Variants in WDR17 observed in about 807,000 individuals in gnomAD.
WDR17 encodes WD repeat domain 17, also known as WD repeat-containing protein 17.
In WDR17, 143 loss-of-function variants were observed where a neutral mutation model predicts 161.7. The observed-to-expected ratio is 0.88, with a 90% CI of 0.77 to 1.02. The LOEUF (loss-of-function observed/expected upper bound fraction) is 1.02. Ranked by LOEUF, WDR17 falls within the 50% of genes least tolerant of loss-of-function variation. The probability of loss-of-function intolerance (pLI) is 0.00; values close to 1 mark genes in which losing one functional copy is unlikely to be tolerated. For synonymous variants in WDR17, 517 were observed against 515.6 expected, an observed-to-expected ratio of 1.00 and a Z score of -0.04; for missense variants, 1,469 against 1,520.9, an observed-to-expected ratio of 0.97 and a Z score of 0.57.
At chr4:176,085,021 A>G (rs1664084319) in intron 1 of WDR17, among the ~76,000 whole-genome samples, 1 of 151,758 alleles carries the variant, frequency 6.6e-6, no homozygotes, top group Non-Finnish European at 1.5e-5. Context: ...TGGATAGTAT[A>G]ACATTAGGCT....
chr4:176,081,027 G>C (rs1734684002), intron 1 of WDR17, among the ~76,000 whole-genome samples: 2 of 152,068 alleles, frequency 1.3e-5, no homozygotes, highest in Non-Finnish European at 2.9e-5. Flanking sequence ...ATGGGGCTAA[G>C]TTATTCAGTC....
chr4:176,085,626 A>G (rs746736335), intron 1 of WDR17, among the ~76,000 whole-genome samples: 3 of 151,992 alleles, frequency 2.0e-5, no homozygotes, highest in Non-Finnish European at 4.4e-5. Context: ...TTATGTCAGT[A>G]AGTTCTATAG....
At chr4:176,177,719 T>A in intron 28 of WDR17, 65 bp downstream of exon 28, 4 of 1,500,436 alleles carry the variant, frequency 2.7e-6, no homozygotes, top group Non-Finnish European at 3.6e-6. Context: ...TTTTGAAATA[T>A]CTTAAAATAA....
At chr4:176,103,579 G>A (rs1175211490) in intron 1 of WDR17, among the ~76,000 whole-genome samples, 1 of 151,844 alleles carries the variant, frequency 6.6e-6, no homozygotes, top group Non-Finnish European at 1.5e-5. Context: ...GAACAAAATA[G>A]AAATAATAGA....
At chr4:176,082,179 A>T in intron 1 of WDR17, among the ~76,000 whole-genome samples, 1 of 150,964 alleles carries the variant, frequency 6.6e-6, no homozygotes, top group East Asian at 1.9e-4. Flanking sequence ...ATATATATGG[A>T]TTAATTTTTT....
At chr4:176,138,168 A>G (rs1271193795) in intron 9 of WDR17, among the ~76,000 whole-genome samples, 3 of 151,672 alleles carry the variant, frequency 2.0e-5, no homozygotes, top group Non-Finnish European at 4.4e-5. Flanking sequence ...ATATTTGAAA[A>G]ATACATATGA....
At chr4:176,097,448 C>A (rs1225903922) in intron 1 of WDR17, among the ~76,000 whole-genome samples, 1 of 151,746 alleles carries the variant, frequency 6.6e-6, no homozygotes, top group Non-Finnish European at 1.5e-5. Context: ...AGTATTACTT[C>A]TTTTTAATTA....
chr4:176,134,910 A>G (rs1253791675), intron 7 of WDR17, among the ~76,000 whole-genome samples, 198 bp from the exon 8 acceptor site: 1 of 151,690 alleles, frequency 6.6e-6, no homozygotes, highest in Admixed American at 6.6e-5. Context: ...CTAGGTCTGT[A>G]CAAAATAATA....
chr4:176,107,676 C>T (rs1205454554), intron 1 of WDR17, among the ~76,000 whole-genome samples: 3 of 151,774 alleles, frequency 2.0e-5, no homozygotes, highest in Non-Finnish European at 4.4e-5. Context: ...GTCTTTTGCC[C>T]ATTTTTGAAT....
intron 1 of WDR17, among the ~76,000 whole-genome samples, chr4:176,095,193 G>A (rs112440666): frequency 2.6e-5 from 4 of 152,208 alleles, no homozygotes; most frequent in Non-Finnish European, 4.4e-5. Flanking sequence ...ATGAAGAGAG[G>A]ACAAATCCAG....
chr4:176,082,324 G>A (rs991541215), intron 1 of WDR17, among the ~76,000 whole-genome samples: 7 of 151,862 alleles, frequency 4.6e-5, no homozygotes, highest in Admixed American at 6.6e-5. Context: ...ATGTATACTC[G>A]GGGTGATGAA....
chr4:176,083,075 A>T (rs531434565), intron 1 of WDR17, among the ~76,000 whole-genome samples: 3 of 152,228 alleles, frequency 2.0e-5, no homozygotes, highest in African/African-American at 7.2e-5. Context: ...ATTAACTTAG[A>T]AGTCTATTTT....
At chr4:176,126,327 T>C (rs1026162475) in intron 5 of WDR17, among the ~76,000 whole-genome samples, 1 of 150,838 alleles carries the variant, frequency 6.6e-6, no homozygotes, top group Admixed American at 6.6e-5. Context: ...CTCTCTACTT[T>C]TACCATTTGA....
intron 26 of WDR17, among the ~76,000 whole-genome samples, chr4:176,175,286 G>T (rs1579272088): frequency 2.6e-5 from 4 of 152,306 alleles, no homozygotes; most frequent in Admixed American, 2.6e-4. Context: ...AGAAAAGGCA[G>T]AGTAAAGGGA....
In WDR17 at chr4:176,146,063, A is replaced by C. The variant is rs761972476; in HGVS notation, c.1598A>C (p.Gln533Pro). Residue 533 changes from glutamine (Q) to proline (P), a missense_variant, in exon 12 of 29, where the codon CAA becomes CCA. Physicochemically the swap from Gln to Pro is moderately conservative, Grantham distance 76. Coordinates refer to ENST00000508596, the MANE Select transcript of WDR17 (RefSeq NM_181265.4). ...TATTATGTAGCCACCAGCTCAGATC[A>C]ACCATTGAAAGTATTTAGTGGGCAT... ...RVYYVATSSD[Q>P]PLKVFSGHTA... 1.2e-6 allele frequency: 2 copies of C among 1,614,054 alleles called. No individual in the cohort carries two copies. The highest frequency in any genetic ancestry group is 1.7e-6 in the Non-Finnish European group (2 of 1,179,964).
chr4:176,147,729 C>A (rs545635018), intron 12 of WDR17, among the ~76,000 whole-genome samples: 12 of 152,056 alleles, frequency 7.9e-5, no homozygotes, highest in Non-Finnish European at 1.6e-4. Context: ...ACATTGTGCA[C>A]ATGTACCCTA....
At chr4:176,068,829 C>T (rs757006075) in intron 1 of WDR17, among the ~76,000 whole-genome samples, 16 of 152,024 alleles carry the variant, frequency 1.1e-4, no homozygotes, top group Non-Finnish European at 2.1e-4. Context: ...GATACGGATA[C>T]CTGAAGAGAA....
chr4:176,163,266 C>A lies in WDR17; in HGVS notation c.2963C>A (p.Ala988Glu), dbSNP rs149711744. The change falls in exon 22 of 29, where the codon GCG becomes GAG. Residue 988 changes from alanine to glutamate, a missense_variant. Coordinates refer to ENST00000508596, the MANE Select transcript of WDR17 (RefSeq NM_181265.4). ...ACCCACTATGCCTTAGAATTACTGG[C>A]GAGAAAGTGCATGATGATTTCAGTA... Reference protein sequence around the residue: ...PATHYALELLARKCMMISVWN... With the variant: ...PATHYALELLERKCMMISVWN... 1.9e-6 allele frequency: 3 copies of A among 1,609,416 alleles called. No homozygotes were observed. The highest frequency in any genetic ancestry group is 2.5e-6 in the Non-Finnish European group (3 of 1,178,174).
chr4:176,166,524 C>T (rs1011593594), intron 22 of WDR17, among the ~76,000 whole-genome samples: 19 of 152,144 alleles, frequency 1.2e-4, no homozygotes, highest in African/African-American at 4.6e-4. Flanking sequence ...GTACTGAACT[C>T]TCAAAAAAGA....
Sources: allele counts gnomAD v4.1 joint callset (sites outside exome capture counted in the v4.1 genomes callset), GRCh38; gene constraint gnomAD v4.1.1; transcripts MANE v1.5; gene names NCBI Gene and HGNC (gene_info 2026-07-23, HGNC 2026-07-21).